GPT2: variants seen among roughly 807,000 people sequenced by gnomAD.
GPT2 encodes the protein glutamic--pyruvic transaminase 2.
In GPT2, 30 loss-of-function variants were observed where a neutral mutation model predicts 56.9. The observed-to-expected ratio is 0.53, with a 90% CI of 0.39 to 0.72. The LOEUF is 0.72. Among genes scored for constraint, GPT2 ranks in the 30% least tolerant of loss-of-function variants. The pLI is 0.00. For synonymous variants in GPT2, 271 were observed against 283.1 expected, an observed-to-expected ratio of 0.96 and a Z score of 0.43; for missense variants, 542 against 703.4, an observed-to-expected ratio of 0.77 and a Z score of 2.60.
At chr16:46,913,943 T>C (rs940811470) in intron 6 of GPT2, among the ~76,000 whole-genome samples, 7 of 152,128 alleles carry the variant, frequency 4.6e-5, no homozygotes, top group Non-Finnish European at 8.8e-5. Context: ...GTAAAGAATA[T>C]ACATACATGC....
Position 46,922,255 on chromosome 16 carries a change from G to A in GPT2, c.1051G>A (p.Gly351Arg). Residue 351 changes from glycine (G) to arginine (R), a missense_variant, in exon 9 of 12, where the codon GGA becomes AGA. Coordinates refer to ENST00000340124, the MANE Select transcript of GPT2 (RefSeq NM_133443.4). ...KGYMGECGYR[G>R]GYMEVINLHP... ...TTGGCCCTCCAGGTGTGGTTACAGA[G>A]GAGGCTACATGGAGGTGATCAACCT... 1 of 1,613,958 alleles carries A rather than the reference G, an allele frequency of 6.2e-7. No individual in the cohort carries two copies. The highest frequency in any genetic ancestry group is 1.7e-5 in the Admixed American group (1 of 59,976).
In GPT2 at chr16:46,884,831, CCGAGCGCAGCCGGCG is replaced by C. The variant is rs1960450717; in HGVS notation, c.125_139del (p.Ser42_Arg46del). ...GCCTCGGCGGTGCTCAAGGTGCGGCCCGAGCGCAGCCGGCGCGAGCGCATCCTCACGCTGGAGTCC... is the reference window on the plus strand; with the variant it reads ...GCCTCGGCGGTGCTCAAGGTGCGGCCCGAGCGCATCCTCACGCTGGAGTCC... On this transcript the variant is annotated inframe_deletion, in exon 2 of 12. Coordinates refer to ENST00000340124, the MANE Select transcript of GPT2 (RefSeq NM_133443.4). 3 of 1,539,856 alleles carry C rather than the reference CCGAGCGCAGCCGGCG, an allele frequency of 1.9e-6. No individual in the cohort carries two copies. The highest frequency in any genetic ancestry group is 2.6e-6 in the Non-Finnish European group (3 of 1,143,308).
chr16:46,898,455 G>A (rs933819230), intron 3 of GPT2, among the ~76,000 whole-genome samples: 2 of 152,230 alleles, frequency 1.3e-5, no homozygotes, highest in African/African-American at 4.8e-5. Flanking sequence ...TGGGGTGGGA[G>A]ATGCCCCAGG....
chr16:46,909,756 C>T lies in GPT2; in HGVS notation c.649C>T (p.Pro217Ser). The change falls in exon 6 of 12, where the codon CCC becomes TCC. Residue 217 changes from proline (P) to serine (S), a missense_variant. Coordinates refer to ENST00000340124, the MANE Select transcript of GPT2 (RefSeq NM_133443.4). ...TGVMIPIPQY[P>S]LYSAVISELD... ...TGTGATGATCCCCATCCCACAATAT[C>T]CCCTCTATTCAGCTGTCATCTCTGA... The T allele has an allele frequency of 6.2e-7, 1 of 1,614,130 alleles. No individual in the cohort carries two copies. The highest frequency in any genetic ancestry group is 8.5e-7 in the Non-Finnish European group (1 of 1,180,016).
Position 46,922,376 on chromosome 16 carries a change from C to T in GPT2, c.1172C>T (p.Pro391Leu), listed in dbSNP as rs140993544. The T allele has an allele frequency of 1.9e-6, 3 of 1,613,628 alleles. No homozygotes were observed. Among genetic ancestry groups the T allele is most frequent in the Non-Finnish European group, 2.5e-6 (3 of 1,179,890 alleles). ...GQAAMDIVVN[P>L]PVAGEESFEQ... is the part of the protein sequence containing the mutation. Reference sequence around the variant, plus strand: ...GCCGCCATGGACATTGTCGTGAACCCCCCGGTGGCAGGAGAGGAGTCCTTT... The same window carrying T: ...GCCGCCATGGACATTGTCGTGAACCTCCCGGTGGCAGGAGAGGAGTCCTTT... The change falls in exon 9 of 12, where the codon CCC becomes CTC. Residue 391 changes from proline to leucine, a missense_variant. Physicochemically the swap from Pro to Leu is moderately conservative, Grantham distance 98 (BLOSUM62 -3). Coordinates refer to ENST00000340124, the MANE Select transcript of GPT2 (RefSeq NM_133443.4).
chr16:46,893,350 C>G (rs780066828), intron 2 of GPT2, among the ~76,000 whole-genome samples: 2 of 152,024 alleles, frequency 1.3e-5, no homozygotes, highest in Non-Finnish European at 2.9e-5. Flanking sequence ...CCAGGATGGT[C>G]TCGATCTGCT....
intron 4 of GPT2, 106 bp from the exon 5 acceptor site, chr16:46,906,736 C>A: frequency 6.8e-7 from 1 of 1,466,836 alleles, no homozygotes; most frequent in Non-Finnish European, 9.4e-7. Context: ...CACCCCGAGA[C>A]CCTCACCCCA....
chr16:46,910,910 A>C (rs577748853), intron 6 of GPT2, among the ~76,000 whole-genome samples: 5 of 152,256 alleles, frequency 3.3e-5, no homozygotes, highest in African/African-American at 9.6e-5. Flanking sequence ...TATTTTTAAG[A>C]CTGGTTTTTT....
chr16:46,924,188 C>T lies in GPT2; in HGVS notation c.1213-201C>T, dbSNP rs1468057647. 6.1e-6 allele frequency: 4 copies of T among 658,610 alleles called. No individual in the cohort carries two copies. In the East Asian group the frequency reaches 1.2e-4, roughly 19 times the overall value. 40.8% of individuals were successfully genotyped at this position (658,610 alleles called of 1,614,324 possible). ...TCGAAGGAACAGACCACCCCACCCA[C>T]TCCGTCTGTGTGGTGTGCATGGGGC... is the stretch of plus-strand genomic sequence containing the variant. On this transcript the variant is annotated intron_variant, in intron 9 of 11. Coordinates refer to ENST00000340124, the MANE Select transcript of GPT2 (RefSeq NM_133443.4).
chr16:46,896,761 C>T lies in GPT2; in HGVS notation c.244-887C>T, dbSNP rs139326496. Among the ~76,000 whole-genome samples, 62 of 152,314 alleles carry T rather than the reference C, an allele frequency of 4.1e-4. No homozygotes were observed. The East Asian group carries it at 0.011, about 26-fold the overall frequency. On this transcript the variant is annotated intron_variant, in intron 2 of 11. Coordinates refer to ENST00000340124, the MANE Select transcript of GPT2 (RefSeq NM_133443.4). ...TGGTGGCAGTCAGGCAGCGGAGCAG[C>T]AGCTGTTCGGGATGCTTGGGCAGCC...
chr16:46,886,507 G>A (rs756645528), intron 2 of GPT2, among the ~76,000 whole-genome samples: 18 of 152,258 alleles, frequency 1.2e-4, no homozygotes, highest in East Asian at 3.9e-4. Flanking sequence ...CCCCTTCCCC[G>A]GATTCTTTAA....
intron 2 of GPT2, among the ~76,000 whole-genome samples, chr16:46,890,735 T>C (rs2143342673): frequency 6.6e-6 from 1 of 152,348 alleles, no homozygotes; most frequent in Non-Finnish European, 1.5e-5. Context: ...TGGAAATGAT[T>C]ATCACAGTCA....
chr16:46,929,614 G>C lies in GPT2; in HGVS notation c.*617G>C, dbSNP rs772574313. The C allele has an allele frequency of 6.5e-6, 1 of 152,720 alleles. No homozygotes were observed. The highest frequency in any genetic ancestry group is 1.5e-5 in the Non-Finnish European group (1 of 68,410). 9.5% of individuals were successfully genotyped at this position (152,720 alleles called of 1,614,324 possible). On this transcript the variant is annotated 3_prime_UTR_variant, in exon 12 of 12. Coordinates refer to ENST00000340124, the MANE Select transcript of GPT2 (RefSeq NM_133443.4). ...CGGTCAGAGGGCCCCACTGTGAGGC[G>C]TGGGTGTGAGCCAGGCTGCAGGAGG...
In GPT2 at chr16:46,900,755, G is replaced by T. The variant is rs757811399; in HGVS notation, c.407G>T (p.Arg136Leu). ...SFPEDAKKRA[R>L]RILQACGGNS... The stretch of plus-strand genomic sequence containing the variant: ...CCAGAAGATGCTAAGAAACGTGCCC[G>T]GCGGATCCTGCAGGCTTGTGGCGGG... Residue 136 changes from arginine to leucine, a missense_variant, in exon 4 of 12, where the codon CGG becomes CTG. Coordinates refer to ENST00000340124, the MANE Select transcript of GPT2 (RefSeq NM_133443.4). The T allele has an allele frequency of 6.8e-6, 11 of 1,613,972 alleles. No homozygotes were observed. Among genetic ancestry groups the T allele is most frequent in the Non-Finnish European group, 9.3e-6 (11 of 1,179,978 alleles).
chr16:46,927,928 G>T (rs1211807685), intron 11 of GPT2, among the ~76,000 whole-genome samples: 10 of 152,156 alleles, frequency 6.6e-5, no homozygotes, highest in Non-Finnish European at 8.8e-5. Context: ...ACTGGAGGGT[G>T]TCTCACTGTC....
intron 6 of GPT2, 119 bp downstream of exon 6, chr16:46,910,046 T>A: frequency 7.4e-7 from 1 of 1,344,140 alleles, no homozygotes; most frequent in Non-Finnish European, 1.0e-6. Context: ...CCCTTCCAGA[T>A]TTGCTAACCT....
Position 46,900,672 on chromosome 16 carries a change from G to A in GPT2, c.334-10G>A, listed in dbSNP as rs978018328. On this transcript the variant is annotated splice_polypyrimidine_tract_variant and intron_variant, in intron 3 of 11. Coordinates refer to ENST00000340124, the MANE Select transcript of GPT2 (RefSeq NM_133443.4). ...GTGCTGGGAGCTCAGCCTGTGTCTT[G>A]TTCCCCCAGGTGATGGCACTATGCA... 2 of 1,608,648 alleles carry A rather than the reference G, an allele frequency of 1.2e-6. No individual in the cohort carries two copies. Among genetic ancestry groups the A allele is most frequent in the African/African-American group, 1.3e-5 (1 of 74,762 alleles).
intron 2 of GPT2, among the ~76,000 whole-genome samples, chr16:46,887,902 T>C (rs964497522): frequency 1.3e-5 from 2 of 152,210 alleles, no homozygotes; most frequent in African/African-American, 4.8e-5. Flanking sequence ...CAGCCCCAGC[T>C]CTGTGCTCTT....
At position 46,930,715 on chromosome 16, in the gene GPT2, G is replaced by A. The variant is rs1227712657; in HGVS notation, c.*1718G>A. ...TATTTTTTATATTTTTGTAACAATT[G>A]CTTTTTTCATGGGGGAGGCGGGGTT... On this transcript the variant is annotated 3_prime_UTR_variant, in exon 12 of 12. Transcript: ENST00000340124. 4 of 152,510 alleles carry A rather than the reference G, an allele frequency of 2.6e-5. No individual in the cohort carries two copies. In the East Asian group the frequency reaches 7.7e-4, roughly 29 times the overall value. The allele number at this position is 152,510 out of a possible 1,614,324, so 9.4% of individuals were successfully genotyped here. A position where few individuals can be genotyped will look rare whatever the true frequency, so the allele number is the denominator to read the frequency against.
Sources: gnomAD v4.1 joint callset for allele counts (sites outside exome capture counted in the v4.1 genomes callset) on GRCh38, gnomAD v4.1.1 for gene constraint, MANE v1.5 for transcripts, NCBI Gene and HGNC (gene_info 2026-07-23, HGNC 2026-07-21) for gene names.